The following AGBL1 variants were observed in gnomAD, a reference collection of about 807,000 sequenced individuals.
The protein encoded by AGBL1 is AGBL carboxypeptidase 1.
A neutral mutation model predicts 118.9 loss-of-function variants in AGBL1; 130 were observed. That is an observed-to-expected ratio of 1.09 (90% CI 0.95 to 1.26). The LOEUF (loss-of-function observed/expected upper bound fraction) is 1.26, where lower values mean the gene tolerates loss of function less well. Among genes scored for constraint, AGBL1 ranks in the 50% most tolerant of loss-of-function variants. AGBL1 has a pLI of 0.00. For synonymous variants in AGBL1, 555 were observed against 478.9 expected (o/e 1.16, Z -2.08); for missense variants, 1,584 against 1,298.1 (o/e 1.22, Z -3.38).
chr15:86,207,401 G>A lies in AGBL1; in HGVS notation c.489-17513G>A, dbSNP rs528004235. ...GCATTGAATCTATAAATTACCTTGG[G>A]CAGTATAGCCATTTTCACGATATTG... is the stretch of plus-strand genomic sequence containing the variant. On this transcript the variant is annotated intron_variant, in intron 5 of 22. Coordinates refer to ENST00000614907, the MANE Select transcript of AGBL1 (RefSeq NM_001386094.1). Among the ~76,000 whole-genome samples, 796 of 152,244 alleles carry A rather than the reference G, an allele frequency of 5.2e-3. 4 individuals carry two copies. Among genetic ancestry groups the A allele is most frequent in the African/African-American group, 0.012 (494 of 41,542 alleles).
chr15:86,995,311 G>A (rs573229219), intron 24 of AGBL1, among the ~76,000 whole-genome samples: 10 of 152,228 alleles, frequency 6.6e-5, no homozygotes, highest in African/African-American at 1.2e-4. Context: ...ACCTGAGCCC[G>A]GGAGGTCAAG....
intron 22 of AGBL1, among the ~76,000 whole-genome samples, chr15:86,735,668 A>T (rs951851268): frequency 5.7e-4 from 86 of 150,432 alleles, no homozygotes; most frequent in Non-Finnish European, 8.6e-4. Flanking sequence ...ATATATATAT[A>T]TTTTATTTGT....
intron 18 of AGBL1, among the ~76,000 whole-genome samples, chr15:86,410,878 TTATAA>T (rs1198944691): frequency 1.3e-5 from 1 of 79,574 alleles, no homozygotes; most frequent in African/African-American, 4.5e-5. Flanking sequence ...ATAATATATA[TTATAA>T]TATATATTAT....
chr15:86,526,304 G>A (rs2083261363), intron 19 of AGBL1, among the ~76,000 whole-genome samples: 1 of 151,964 alleles, frequency 6.6e-6, no homozygotes, highest in Non-Finnish European at 1.5e-5. Flanking sequence ...AAACAGTATG[G>A]TGATTTCTCA....
At chr15:86,262,736 G>T (rs2079012720) in intron 9 of AGBL1, 42 bp from the exon 10 acceptor site, 1 of 1,350,372 alleles carries the variant, frequency 7.4e-7, no homozygotes. Context: ...TCTCAGGGTG[G>T]ATTTCCTGAC....
At chr15:86,564,909 C>G (rs983432757) in intron 21 of AGBL1, among the ~76,000 whole-genome samples, 2 of 152,200 alleles carry the variant, frequency 1.3e-5, no homozygotes, top group African/African-American at 2.4e-5. Flanking sequence ...ACCTTTTCTT[C>G]CAGTTGATCG....
chr15:86,777,435 TC>T (rs1367307720), intron 22 of AGBL1, among the ~76,000 whole-genome samples: 1 of 149,456 alleles, frequency 6.7e-6, no homozygotes, highest in Non-Finnish European at 1.5e-5. Flanking sequence ...TATTTTTTTT[TC>T]CCTTTACAAT....
chr15:86,818,824 G>A (rs1387132709), intron 22 of AGBL1, among the ~76,000 whole-genome samples: 2 of 152,154 alleles, frequency 1.3e-5, no homozygotes, highest in Non-Finnish European at 2.9e-5. Context: ...TTTAGGCTGG[G>A]AGACACTGAT....
chr15:86,290,911 A>T (rs532227142), intron 16 of AGBL1, among the ~76,000 whole-genome samples: 39 of 152,006 alleles, frequency 2.6e-4, no homozygotes, highest in African/African-American at 8.9e-4. Flanking sequence ...TCATTGTTCA[A>T]TTCCCACCTA....
At chr15:86,433,281 T>C (rs866762024) in intron 18 of AGBL1, among the ~76,000 whole-genome samples, 48 of 103,560 alleles carry the variant, frequency 4.6e-4, no homozygotes, top group African/African-American at 1.7e-3. Flanking sequence ...TTTTTTTTTT[T>C]TTTTTTTTTT....
At chr15:86,704,935 T>C (rs1192235265) in intron 22 of AGBL1, among the ~76,000 whole-genome samples, 5 of 150,596 alleles carry the variant, frequency 3.3e-5, no homozygotes, top group Admixed American at 6.6e-5. Context: ...ATATACACCA[T>C]GGAATACTAT....
rs376606081 is a variant in AGBL1 at position 86,199,527 on chromosome 15, C to T, written c.489-25387C>T. Among the ~76,000 whole-genome samples, 572 of 152,320 alleles carry T rather than the reference C, an allele frequency of 3.8e-3. 5 individuals are homozygous for T. Among genetic ancestry groups the T allele is most frequent in the African/African-American group, 0.013 (543 of 41,570 alleles). ...GAATACCCATGTGCTGGATGGTCCC[C>T]GTCTGGTCCTCGTGCACCTGAAGTG... is the stretch of plus-strand genomic sequence containing the variant. On this transcript the variant is annotated intron_variant, in intron 5 of 22. Transcript: ENST00000614907.
chr15:86,779,136 C>G (rs1235857429), intron 22 of AGBL1, among the ~76,000 whole-genome samples: 2 of 152,108 alleles, frequency 1.3e-5, no homozygotes, highest in Admixed American at 6.6e-5. Flanking sequence ...ACGGATCGTT[C>G]ACTATTCTTA....
intron 21 of AGBL1, among the ~76,000 whole-genome samples, chr15:86,665,536 A>T (rs948775848): frequency 6.6e-6 from 1 of 152,040 alleles, no homozygotes; most frequent in Non-Finnish European, 1.5e-5. Context: ...CTCTGTTGGA[A>T]TTATGTTTAT....
intron 18 of AGBL1, among the ~76,000 whole-genome samples, chr15:86,507,907 C>T (rs1177799020): frequency 1.3e-5 from 2 of 151,922 alleles, no homozygotes; most frequent in South Asian, 2.1e-4. Context: ...GGTATTTGAC[C>T]TGAGCAACTG....
intron 18 of AGBL1, among the ~76,000 whole-genome samples, chr15:86,440,784 C>T (rs1489943596): frequency 6.6e-6 from 1 of 152,110 alleles, no homozygotes; most frequent in Non-Finnish European, 1.5e-5. Context: ...AGGGAGCTTC[C>T]ATCAAACTCC....
At chr15:86,894,541 G>A (rs2080095668) in intron 22 of AGBL1, among the ~76,000 whole-genome samples, 1 of 152,122 alleles carries the variant, frequency 6.6e-6, no homozygotes, top group Non-Finnish European at 1.5e-5. Flanking sequence ...TGCTCTTCTG[G>A]ACCGCTAGGC....
At chr15:86,194,376 C>A (rs576627083) in intron 5 of AGBL1, among the ~76,000 whole-genome samples, 30 of 152,348 alleles carry the variant, frequency 2.0e-4, no homozygotes, top group African/African-American at 7.2e-4. Flanking sequence ...AGTACAGTGT[C>A]TATGTGGAGG....
At chr15:86,524,546 G>A (rs528002563) in intron 19 of AGBL1, among the ~76,000 whole-genome samples, 1 of 152,208 alleles carries the variant, frequency 6.6e-6, no homozygotes, top group East Asian at 1.9e-4. Flanking sequence ...GGTTTTTGTT[G>A]GGGGGTCAGT....
Sources: allele counts gnomAD v4.1 joint callset (sites outside exome capture counted in the v4.1 genomes callset), GRCh38; gene constraint gnomAD v4.1.1; transcripts MANE v1.5; gene names NCBI Gene and HGNC (gene_info 2026-07-23, HGNC 2026-07-21).